The following NOCT variants were observed in gnomAD, a reference collection of about 807,000 sequenced individuals.
NOCT encodes the protein CCR4 carbon catabolite repression 4-like.
Under a neutral mutation model 35.0 loss-of-function variants are expected in NOCT, and 18 were observed. The ratio of observed to expected loss-of-function variants is 0.51; its 90% CI spans 0.36 to 0.76. The LOEUF (loss-of-function observed/expected upper bound fraction) is 0.76, where lower values mean the gene tolerates loss of function less well. NOCT is among the 30% of genes least tolerant of loss of function. The probability of loss-of-function intolerance (pLI) is 0.01; values close to 1 mark genes in which losing one functional copy is unlikely to be tolerated. For synonymous variants in NOCT, 235 were observed against 226.3 expected (o/e 1.04, Z -0.34); for missense variants, 479 against 541.0 (o/e 0.89, Z 1.14).
intron 1 of NOCT, among the ~76,000 whole-genome samples, chr4:139,021,392 G>A (rs1054574708): frequency 2.0e-5 from 3 of 152,146 alleles, no homozygotes; most frequent in African/African-American, 7.2e-5. Flanking sequence ...GCCAAGGCAG[G>A]CGGATCACCT....
chr4:139,034,230 C>A (rs191954847), intron 1 of NOCT, among the ~76,000 whole-genome samples: 215 of 152,078 alleles, frequency 1.4e-3, no homozygotes, highest in East Asian at 1.2e-3. Context: ...CCCCACCCCC[C>A]ACCTTATTGG....
intron 1 of NOCT, among the ~76,000 whole-genome samples, chr4:139,020,724 TC>T (rs1343699930): frequency 6.6e-6 from 1 of 152,090 alleles, no homozygotes; most frequent in Non-Finnish European, 1.5e-5. Flanking sequence ...AGGTACTTAT[TC>T]CTGGAAAGCT....
At chr4:139,034,264 T>G (rs989525196) in intron 1 of NOCT, among the ~76,000 whole-genome samples, 2 of 151,946 alleles carry the variant, frequency 1.3e-5, no homozygotes, top group African/African-American at 4.8e-5. Context: ...ATGAGAGCCA[T>G]GCCCTCATGA....
Position 139,015,988 on chromosome 4 carries a change from C to A in NOCT, c.7C>A (p.His3Asn). The change falls in exon 1 of 3, where the codon CAT becomes AAT. Residue 3 changes from histidine to asparagine, a missense_variant. Physicochemically the swap from His to Asn is moderately conservative, Grantham distance 68 (BLOSUM62 1). Around this residue, in one of 2 missense-constraint regions of NOCT, gnomAD observed 265 missense variants for 257.0 expected, o/e 1.03. Transcript: ENST00000280614. ...GGTGGCGGCGGCGCCCGGCATGTTTCATAGTCCGCGGCGGCTCTGCTCGGC... is the reference window on the plus strand; with the variant it reads ...GGTGGCGGCGGCGCCCGGCATGTTTAATAGTCCGCGGCGGCTCTGCTCGGC... MF[H>N]SPRRLCSALL... 1 of 1,375,458 alleles carries A rather than the reference C, an allele frequency of 7.3e-7. No individual in the cohort carries two copies. The highest frequency in any genetic ancestry group is 9.4e-7 in the Non-Finnish European group (1 of 1,067,014). 85.2% of individuals were successfully genotyped at this position (1,375,458 alleles called of 1,614,324 possible).
intron 1 of NOCT, among the ~76,000 whole-genome samples, chr4:139,026,697 C>T (rs1344818741): frequency 6.6e-6 from 1 of 151,716 alleles, no homozygotes; most frequent in Admixed American, 6.6e-5. Flanking sequence ...ATTACAGGTG[C>T]CCACCGTCAC....
chr4:139,028,920 C>T (rs1309847982), intron 1 of NOCT, among the ~76,000 whole-genome samples: 1 of 152,180 alleles, frequency 6.6e-6, no homozygotes. Context: ...CGGCTCACTG[C>T]AACCTCCTCC....
At position 139,045,195 on chromosome 4, in the gene NOCT, C is replaced by T; in HGVS notation, c.1017C>T (p.Ser339=). ...PTEEVYKHFA[S]SSLNLNSAYK... is the part of the protein sequence containing the mutation. ...AAGAGGTCTACAAACACTTTGCTTC[C>T]TCCAGCCTCAACCTGAACAGCGCCT... Residue 339 remains serine, a synonymous_variant, in exon 3 of 3, where the codon TCC becomes TCT. Coordinates refer to ENST00000280614, the MANE Select transcript of NOCT (RefSeq NM_012118.4). 6.2e-7 allele frequency: 1 copy of T among 1,614,210 alleles called. No homozygotes were observed. The highest frequency in any genetic ancestry group is 1.1e-5 in the South Asian group (1 of 91,088).
intron 2 of NOCT, chr4:139,043,670 C>A (rs1196404592): frequency 5.4e-6 from 1 of 186,676 alleles, no homozygotes; most frequent in Non-Finnish European, 1.1e-5. Flanking sequence ...AATCCCAGCA[C>A]TTTGGGAGGC....
intron 1 of NOCT, among the ~76,000 whole-genome samples, chr4:139,035,247 C>T (rs565793613): frequency 8.5e-5 from 13 of 152,206 alleles, no homozygotes; most frequent in African/African-American, 3.1e-4. Context: ...TTCAGCCTCC[C>T]GAATAGCTGG....
At chr4:139,038,591 G>T (rs934656882) in intron 1 of NOCT, among the ~76,000 whole-genome samples, 6 of 152,094 alleles carry the variant, frequency 3.9e-5, no homozygotes, top group African/African-American at 7.2e-5. Context: ...TATATACACA[G>T]CAGTCTCAGA....
intron 1 of NOCT, among the ~76,000 whole-genome samples, chr4:139,032,992 G>C (rs1287048127): frequency 2.0e-5 from 3 of 152,070 alleles, no homozygotes; most frequent in African/African-American, 7.2e-5. Flanking sequence ...TTGACCCTGG[G>C]GGGCGGAGGC....
In NOCT at chr4:139,024,913, T is replaced by C. The variant is rs546311771; in HGVS notation, c.190+8742T>C. Among the ~76,000 whole-genome samples, 28 of 152,342 alleles carry C rather than the reference T, an allele frequency of 1.8e-4. 1 individual carries two copies. In the South Asian group the frequency reaches 5.6e-3, roughly 30 times the overall value. The stretch of plus-strand genomic sequence containing the variant: ...GCCACCGCGCCCAGCCAGTTTTGCA[T>C]GTTCTGAGTGGGAAGGTAATCTGGA... On this transcript the variant is annotated intron_variant, in intron 1 of 2. Transcript: ENST00000280614.
rs370362401 is a variant in NOCT at position 139,044,998 on chromosome 4, A to G, written c.820A>G (p.Lys274Glu). 10 of 1,614,118 alleles carry G rather than the reference A, an allele frequency of 6.2e-6. No individual in the cohort carries two copies. Among genetic ancestry groups the G allele is most frequent in the Non-Finnish European group, 7.6e-6 (9 of 1,180,046 alleles). Residue 274 changes from lysine (K) to glutamate (E), a missense_variant, in exon 3 of 3, where the codon AAG (lysine) becomes GAG (glutamate). Transcript: ENST00000280614. ...GGCCATTGCACAGACCCTGGAGTGCAAGGAGTCAGGCCGACAGTTCTGCAT... is the reference window on the plus strand; with the variant it reads ...GGCCATTGCACAGACCCTGGAGTGCGAGGAGTCAGGCCGACAGTTCTGCAT... ...QVAIAQTLEC[K>E]ESGRQFCIAV...
intron 1 of NOCT, among the ~76,000 whole-genome samples, chr4:139,019,062 A>T (rs1055631749): frequency 2.0e-5 from 3 of 151,764 alleles, no homozygotes; most frequent in African/African-American, 2.4e-5. Context: ...TTTTATTTTT[A>T]TTTTTTTTGA....
chr4:139,016,005 C>G lies in NOCT; in HGVS notation c.24C>G (p.Leu8=). 1 of 1,391,034 alleles carries G rather than the reference C, an allele frequency of 7.2e-7. No homozygotes were observed. Among genetic ancestry groups the G allele is most frequent in the Non-Finnish European group, 9.3e-7 (1 of 1,074,208 alleles). The allele number at this position is 1,391,034 out of a possible 1,614,324, so 86.2% of individuals were successfully genotyped here. Residue 8 remains leucine, a synonymous_variant, in exon 1 of 3, where the codon CTC becomes CTG. Coordinates refer to ENST00000280614, the MANE Select transcript of NOCT (RefSeq NM_012118.4). The part of the protein sequence containing the change: MFHSPRR[L]CSALLQRDAP... ...GCATGTTTCATAGTCCGCGGCGGCT[C>G]TGCTCGGCCCTGCTGCAGAGGGACG... is the stretch of plus-strand genomic sequence containing the variant.
At chr4:139,038,879 C>T (rs572035954) in intron 1 of NOCT, among the ~76,000 whole-genome samples, 1 of 152,048 alleles carries the variant, frequency 6.6e-6, no homozygotes, top group Non-Finnish European at 1.5e-5. Context: ...ACCAGTGTTT[C>T]TGGTTGTTTT....
intron 1 of NOCT, among the ~76,000 whole-genome samples, chr4:139,028,516 C>T (rs927836224): frequency 2.0e-5 from 3 of 152,306 alleles, no homozygotes; most frequent in South Asian, 2.1e-4. Flanking sequence ...TGTGCTGTGA[C>T]GACAGTGACG....
chr4:139,030,618 T>G (rs904252406), intron 1 of NOCT, among the ~76,000 whole-genome samples: 4 of 152,206 alleles, frequency 2.6e-5, no homozygotes, highest in African/African-American at 9.7e-5. Context: ...TATGAATCTT[T>G]ATTGATTCCT....
At chr4:139,022,182 C>G (rs890217555) in intron 1 of NOCT, among the ~76,000 whole-genome samples, 1 of 152,188 alleles carries the variant, frequency 6.6e-6, no homozygotes, top group Non-Finnish European at 1.5e-5. Flanking sequence ...GTTTGGACTT[C>G]CACGGAAAGC....
Sources: gnomAD v4.1 joint callset for allele counts (sites outside exome capture counted in the v4.1 genomes callset) on GRCh38, gnomAD v4.1.1 for gene constraint, gnomAD v4.1.1 regional missense constraint, MANE v1.5 for transcripts, NCBI Gene and HGNC (gene_info 2026-07-23, HGNC 2026-07-21) for gene names.